NXPE1: variants seen among roughly 807,000 people sequenced by gnomAD.
NXPE1 encodes the protein neurexophilin and PC-esterase domain family member 1.
In NXPE1, 31 loss-of-function variants were observed where a neutral mutation model predicts 33.3. The ratio of observed to expected loss-of-function variants is 0.93; its 90% CI spans 0.70 to 1.26. The LOEUF is 1.26. Among genes scored for constraint, NXPE1 ranks in the 50% most tolerant of loss-of-function variants. The pLI, the probability that NXPE1 is intolerant of heterozygous loss-of-function variation, is 0.00. For missense variants in NXPE1, 661 were observed against 655.6 expected (o/e 1.01, Z -0.09); for synonymous variants, 229 against 231.4 (o/e 0.99, Z 0.09).
Position 114,540,837 on chromosome 11 carries a change from CTTTTTTTTTTTTTTTTTTTTTTTTTTTT to C in NXPE1, c.100-9957_100-9930del, listed in dbSNP as rs142403291. Among the ~76,000 whole-genome samples the C allele has an allele frequency of 1.5e-3, 71 of 47,466 alleles. No homozygotes were observed. The South Asian group carries it at 0.018, about 12-fold the overall frequency. The allele number at this position is 47,466 out of a possible 152,430, so 31.1% of individuals were successfully genotyped here. On this transcript the variant is annotated intron_variant, in intron 5 of 8. Transcript: ENST00000534921. ...TAGCTAAAACACAATAGAAAGCCAT[CTTTTTTTTTTTTTTTTTTTTTTTTTTTT>C]TTTTTTTTTTTTTTTTTTTTGGCTT... is the stretch of plus-strand genomic sequence containing the variant.
At chr11:114,521,899 T>C in exon 9 of NXPE1, 1 of 1,214,860 alleles carries the variant, frequency 8.2e-7, no homozygotes, top group Middle Eastern at 2.0e-4. Context: ...TGAGTAAAAC[T>C]TACTTTACAA....
chr11:114,542,302 A>T (rs982963329), intron 5 of NXPE1, among the ~76,000 whole-genome samples: 1 of 152,236 alleles, frequency 6.6e-6, no homozygotes, highest in Non-Finnish European at 1.5e-5. Flanking sequence ...ACCTTTAATT[A>T]TAAGAGTCAC....
chr11:114,559,460 G>A (rs1050677817), intron 1 of NXPE1, among the ~76,000 whole-genome samples: 1 of 152,184 alleles, frequency 6.6e-6, no homozygotes, highest in Admixed American at 6.5e-5. Flanking sequence ...TCTCCAACTA[G>A]ATGTTAGGTT....
At chr11:114,534,600 G>A (rs1449378725) in intron 5 of NXPE1, among the ~76,000 whole-genome samples, 7 of 152,196 alleles carry the variant, frequency 4.6e-5, no homozygotes, top group African/African-American at 9.6e-5. Flanking sequence ...AGGACCTGAT[G>A]GAGCTGAAAA....
intron 5 of NXPE1, among the ~76,000 whole-genome samples, chr11:114,533,298 G>A (rs114651702): frequency 8.8e-4 from 134 of 152,196 alleles, no homozygotes; most frequent in African/African-American, 3.1e-3. Context: ...CAATACATTC[G>A]AGCGGGGTGG....
exon 1 of NXPE1, chr11:114,559,881 T>C (rs753676903): frequency 6.6e-6 from 1 of 152,216 alleles, no homozygotes; most frequent in African/African-American, 2.4e-5. Context: ...GTAAAATGTT[T>C]TTGTTCCTTG....
At chr11:114,552,559 A>G (rs1337386953) in intron 2 of NXPE1, among the ~76,000 whole-genome samples, 4 of 152,038 alleles carry the variant, frequency 2.6e-5, no homozygotes, top group Non-Finnish European at 4.4e-5. Flanking sequence ...CTCGGAATGT[A>G]CAAAAAGCAT....
Position 114,523,096 on chromosome 11 carries a change from T to TAACA in NXPE1, c.896-9_896-6dup. On this transcript the variant is annotated splice_region_variant and splice_polypyrimidine_tract_variant and intron_variant, in intron 7 of 8. Transcript: ENST00000534921. ...TCTCTTCTATTTTTTCTCTCTCTGG[T>TAACA]AACAAAGACACTCGTAAATGATTTT... 6.2e-7 allele frequency: 1 copy of TAACA among 1,601,668 alleles called. No individual in the cohort carries two copies. Among genetic ancestry groups the TAACA allele is most frequent in the Non-Finnish European group, 8.6e-7 (1 of 1,169,198 alleles).
intron 5 of NXPE1, among the ~76,000 whole-genome samples, chr11:114,540,994 T>A (rs2135049894): frequency 6.6e-6 from 1 of 151,796 alleles, no homozygotes; most frequent in South Asian, 2.1e-4. Context: ...GAGTATGAAC[T>A]TTGCTTAGAT....
intron 5 of NXPE1, among the ~76,000 whole-genome samples, chr11:114,545,344 C>G (rs1948239674): frequency 6.6e-6 from 1 of 152,092 alleles, no homozygotes; most frequent in Admixed American, 6.5e-5. Flanking sequence ...TATAGATAAA[C>G]AAATTGTAGT....
chr11:114,552,735 A>G, intron 2 of NXPE1, 117 bp downstream of exon 2: 1 of 214,282 alleles, frequency 4.7e-6, no homozygotes, highest in Non-Finnish European at 8.0e-6. Context: ...GCGTATGGAT[A>G]TGTTTCAGCA....
At chr11:114,534,035 C>A (rs891648053) in intron 5 of NXPE1, among the ~76,000 whole-genome samples, 2 of 152,194 alleles carry the variant, frequency 1.3e-5, no homozygotes, top group Admixed American at 1.3e-4. Context: ...AGGCACCCCC[C>A]AGTAGGGGCA....
intron 1 of NXPE1, chr11:114,554,490 T>G (rs1948603225): frequency 1.7e-6 from 1 of 587,226 alleles, no homozygotes; most frequent in South Asian, 7.5e-5. Flanking sequence ...TAAAATAAAA[T>G]GTATAGAATT....
chr11:114,522,893 G>C, exon 8 of NXPE1: 1 of 1,611,402 alleles, frequency 6.2e-7, no homozygotes, highest in Non-Finnish European at 8.5e-7. Flanking sequence ...TACAACTTTG[G>C]GGAAGTAGTA....
At chr11:114,542,359 A>G (rs1323937712) in intron 5 of NXPE1, among the ~76,000 whole-genome samples, 5 of 152,228 alleles carry the variant, frequency 3.3e-5, no homozygotes, top group Non-Finnish European at 7.3e-5. Context: ...TATTTTTCCC[A>G]GATCGTTCCT....
rs559700602 is a variant in NXPE1, at chr11:114,555,595, A to G, written c.-210-2715T>C. ...ATGTAGACACCTGTGTACCCATCAC[A>G]ATCAATAAGTAGAATATTACCACCA... On this transcript the variant is annotated intron_variant, in intron 1 of 8. Coordinates refer to ENST00000534921, the Ensembl canonical transcript of NXPE1. Among the ~76,000 whole-genome samples, 5 of 152,282 alleles carry G rather than the reference A, an allele frequency of 3.3e-5. No homozygotes were observed. In the East Asian group the frequency reaches 9.6e-4, roughly 29 times the overall value.
intron 5 of NXPE1, among the ~76,000 whole-genome samples, chr11:114,549,516 A>C (rs1948400255): frequency 6.6e-6 from 1 of 152,076 alleles, no homozygotes; most frequent in Non-Finnish European, 1.5e-5. Context: ...ATAAAAGCAC[A>C]ATAGGACTTT....
Position 114,523,099 on chromosome 11 carries a change from C to T in NXPE1, c.896-8G>A. 1 of 1,596,748 alleles carries T rather than the reference C, an allele frequency of 6.3e-7. No homozygotes were observed. The highest frequency in any genetic ancestry group is 1.3e-5 in the African/African-American group (1 of 74,634). On this transcript the variant is annotated splice_region_variant and splice_polypyrimidine_tract_variant and intron_variant, in intron 7 of 8. Transcript: ENST00000534921. Reference sequence around the variant, plus strand: ...CTTCTATTTTTTCTCTCTCTGGTAACAAAGACACTCGTAAATGATTTTATT... The same window carrying T: ...CTTCTATTTTTTCTCTCTCTGGTAATAAAGACACTCGTAAATGATTTTATT...
chr11:114,530,460 A>G, exon 6 of NXPE1: 1 of 1,614,224 alleles, frequency 6.2e-7, no homozygotes, highest in Non-Finnish European at 8.5e-7. Flanking sequence ...ACTGGGGTGG[A>G]TGAGCAGCAG....
Sources: allele counts gnomAD v4.1 joint callset (sites outside exome capture counted in the v4.1 genomes callset), GRCh38; gene constraint gnomAD v4.1.1; transcripts MANE v1.5; gene names NCBI Gene and HGNC (gene_info 2026-07-23, HGNC 2026-07-21).